Variants in CCBE1 observed in about 807,000 individuals in gnomAD.
CCBE1 encodes the protein collagen and calcium binding EGF domains 1.
In CCBE1, 37 loss-of-function variants were observed where a neutral mutation model predicts 50.0. The ratio of observed to expected loss-of-function variants is 0.74; its 90% CI spans 0.57 to 0.97. The LOEUF (loss-of-function observed/expected upper bound fraction) is 0.97, where lower values mean the gene tolerates loss of function less well. Ranked by LOEUF, CCBE1 falls within the 50% of genes least tolerant of loss-of-function variation. The pLI, the probability that CCBE1 is intolerant of heterozygous loss-of-function variation, is 0.00. For synonymous variants in CCBE1, 234 were observed against 203.7 expected (o/e 1.15, Z -1.27); for missense variants, 538 against 523.8 (o/e 1.03, Z -0.26).
At chr18:59,593,146 C>T (rs2053298571) in intron 2 of CCBE1, among the ~76,000 whole-genome samples, 2 of 152,088 alleles carry the variant, frequency 1.3e-5, no homozygotes, top group Admixed American at 1.3e-4. Flanking sequence ...GTGGTGGCCA[C>T]AAAAGCATGT....
At chr18:59,658,390 TATATATATATATATATATATATATATAA>T in intron 2 of CCBE1, among the ~76,000 whole-genome samples, 1 of 31,968 alleles carries the variant, frequency 3.1e-5, no homozygotes, top group East Asian at 1.7e-3. Context: ...TATATATATA[TATATATATATATATATATATATATATAA>T]AGTTAGCTAC....
chr18:59,446,834 T>C (rs1373730663), intron 7 of CCBE1, among the ~76,000 whole-genome samples: 3 of 152,210 alleles, frequency 2.0e-5, no homozygotes, highest in East Asian at 1.9e-4. Context: ...TATTTGCATA[T>C]GCTCTATGTG....
In CCBE1 at chr18:59,501,512, T is replaced by C. The variant is rs148172771; in HGVS notation, c.213-21274A>G. Among the ~76,000 whole-genome samples, 851 of 152,226 alleles carry C rather than the reference T, an allele frequency of 5.6e-3. 2 individuals carry two copies. Among genetic ancestry groups the C allele is most frequent in the Non-Finnish European group, 9.5e-3 (643 of 68,006 alleles). ...GGGAACGTCTTCAAGTCTTTATCTGTTGAACTAAGTGTCGACACTCCTCCC... is the reference window on the plus strand; with the variant it reads ...GGGAACGTCTTCAAGTCTTTATCTGCTGAACTAAGTGTCGACACTCCTCCC... On this transcript the variant is annotated intron_variant, in intron 2 of 10. Transcript: ENST00000439986.
At chr18:59,439,960 C>T (rs184107373) in intron 7 of CCBE1, 144 bp from the exon 8 acceptor site, 200 of 860,232 alleles carry the variant, frequency 2.3e-4, no homozygotes, top group Middle Eastern at 1.1e-3. Context: ...GGCTGTCCCA[C>T]AGGCATTTTA....
At chr18:59,615,501 G>GAAAA (rs11451658) in intron 2 of CCBE1, among the ~76,000 whole-genome samples, 1 of 147,744 alleles carries the variant, frequency 6.8e-6, no homozygotes, top group African/African-American at 2.5e-5. Flanking sequence ...AACTGTCGGA[G>GAAAA]AAAAAAAAAA....
chr18:59,431,056 GAAC>G lies in CCBE1; in HGVS notation c.*4849_*4851del, dbSNP rs1351644222. On this transcript the variant is annotated 3_prime_UTR_variant, in exon 11 of 11. Transcript: ENST00000439986. ...GTTACATGGACCTGTTACAAATAAT[GAAC>G]AACAGAGCTACTCCAGTATATGACT... is the stretch of plus-strand genomic sequence containing the variant. 6.6e-6 allele frequency: 1 copy of G among 152,136 alleles called. No homozygotes were observed. Among genetic ancestry groups the G allele is most frequent in the Non-Finnish European group, 1.5e-5 (1 of 68,016 alleles). The allele number at this position is 152,136 out of a possible 1,614,324, so 9.4% of individuals were successfully genotyped here.
At chr18:59,690,533 T>C (rs1022404357) in intron 2 of CCBE1, among the ~76,000 whole-genome samples, 5 of 152,180 alleles carry the variant, frequency 3.3e-5, no homozygotes, top group African/African-American at 7.2e-5. Context: ...CCTGAGAAGA[T>C]AGAATATCTA....
At chr18:59,488,576 A>C (rs1912936599) in intron 2 of CCBE1, among the ~76,000 whole-genome samples, 1 of 152,174 alleles carries the variant, frequency 6.6e-6, no homozygotes, top group African/African-American at 2.4e-5. Context: ...TTCATAAATT[A>C]ATCAAATACC....
chr18:59,442,229 C>T (rs772685045), intron 7 of CCBE1, among the ~76,000 whole-genome samples: 12 of 152,100 alleles, frequency 7.9e-5, no homozygotes, highest in South Asian at 2.1e-4. Context: ...AGTGCTGTGT[C>T]GATACAGGCT....
chr18:59,560,913 C>CA (rs2052727189), intron 2 of CCBE1, among the ~76,000 whole-genome samples: 1 of 152,316 alleles, frequency 6.6e-6, no homozygotes, highest in South Asian at 2.1e-4. Flanking sequence ...AGCAGAGTTA[C>CA]AAAAAGTCTT....
chr18:59,478,129 C>T (rs561526361), intron 3 of CCBE1, among the ~76,000 whole-genome samples: 3 of 152,140 alleles, frequency 2.0e-5, no homozygotes, highest in Non-Finnish European at 4.4e-5. Flanking sequence ...TTCTGGCCAG[C>T]AGATTCCAAC....
chr18:59,643,471 T>C (rs915574378), intron 2 of CCBE1, among the ~76,000 whole-genome samples: 4 of 152,164 alleles, frequency 2.6e-5, no homozygotes, highest in African/African-American at 9.7e-5. Context: ...GTGTTCTTTG[T>C]TCAAGTGGTT....
intron 2 of CCBE1, among the ~76,000 whole-genome samples, chr18:59,584,860 C>T (rs1054680695): frequency 6.6e-6 from 1 of 152,160 alleles, no homozygotes; most frequent in Admixed American, 6.6e-5. Flanking sequence ...AATAGCAATG[C>T]AAGAACGGAC....
At chr18:59,645,953 C>T (rs2054050162) in intron 2 of CCBE1, among the ~76,000 whole-genome samples, 1 of 152,030 alleles carries the variant, frequency 6.6e-6, no homozygotes. Flanking sequence ...ATGGTGTGAA[C>T]CCGGCAGACG....
At chr18:59,521,343 G>C (rs1013798250) in intron 2 of CCBE1, among the ~76,000 whole-genome samples, 6 of 152,194 alleles carry the variant, frequency 3.9e-5, no homozygotes, top group South Asian at 2.1e-4. Flanking sequence ...CCTGGTTCTT[G>C]GTTGTGGTGA....
intron 2 of CCBE1, among the ~76,000 whole-genome samples, chr18:59,595,834 C>T (rs571477933): frequency 1.3e-3 from 205 of 152,272 alleles, no homozygotes; most frequent in African/African-American, 4.5e-3. Flanking sequence ...GGAGTTAAGG[C>T]TTTATCAAGT....
chr18:59,682,047 G>C (rs1254023669), intron 2 of CCBE1, among the ~76,000 whole-genome samples: 2 of 152,188 alleles, frequency 1.3e-5, no homozygotes, highest in African/African-American at 4.8e-5. Flanking sequence ...GTGGAAGGTA[G>C]GGAGAGGGTA....
At chr18:59,557,322 G>A (rs1004386890) in intron 2 of CCBE1, among the ~76,000 whole-genome samples, 16 of 152,060 alleles carry the variant, frequency 1.1e-4, no homozygotes, top group African/African-American at 3.1e-4. Flanking sequence ...TTTGAGGGTC[G>A]GCACCCACAC....
chr18:59,454,843 G>A lies in CCBE1; in HGVS notation c.654+8C>T. ...AGGCATCATCGTTCCCACCCCAGCGGCACGTACCTTTTGCTTCAGCTGCAG... is the reference window on the plus strand; with the variant it reads ...AGGCATCATCGTTCCCACCCCAGCGACACGTACCTTTTGCTTCAGCTGCAG... On this transcript the variant is annotated splice_region_variant and intron_variant, in intron 6 of 10. Coordinates refer to ENST00000439986, the MANE Select transcript of CCBE1 (RefSeq NM_133459.4). 6.2e-6 allele frequency: 10 copies of A among 1,611,572 alleles called. No homozygotes were observed. The highest frequency in any genetic ancestry group is 7.6e-6 in the Non-Finnish European group (9 of 1,177,640).
Sources: gnomAD v4.1 joint callset for allele counts (sites outside exome capture counted in the v4.1 genomes callset) on GRCh38, gnomAD v4.1.1 for gene constraint, MANE v1.5 for transcripts, NCBI Gene and HGNC (gene_info 2026-07-23, HGNC 2026-07-21) for gene names.